The following NFIA variants were observed in gnomAD, a reference collection of about 807,000 sequenced individuals.
NFIA encodes the protein nuclear factor 1 A-type.
A neutral mutation model predicts 62.8 loss-of-function variants in NFIA; 8 were observed. The observed-to-expected ratio is 0.13, with a 90% CI of 0.07 to 0.23. NFIA has a LOEUF of 0.23. Ranked by LOEUF, NFIA falls within the 10% of genes least tolerant of loss-of-function variation. The probability of loss-of-function intolerance (pLI) is 1.00; values close to 1 mark genes in which losing one functional copy is unlikely to be tolerated. For synonymous variants in NFIA, 235 were observed against 238.1 expected, an observed-to-expected ratio of 0.99 and a Z score of 0.12; for missense variants, 410 against 642.1, an observed-to-expected ratio of 0.64 and a Z score of 3.91.
At chr1:61,103,893 CTGATGATGCTAGACAAT>C (rs1646552787) in intron 2 of NFIA, among the ~76,000 whole-genome samples, 2 of 152,096 alleles carry the variant, frequency 1.3e-5, no homozygotes, top group Non-Finnish European at 2.9e-5. Context: ...AAACAAAGGT[CTGATGATGCTAGACAAT>C]TGATGATGCT....
chr1:61,369,133 G>A (rs139724887), intron 6 of NFIA, among the ~76,000 whole-genome samples: 170 of 152,256 alleles, frequency 1.1e-3, no homozygotes, highest in African/African-American at 3.7e-3. Context: ...CCTTCGTTTC[G>A]TAATATCAGA....
chr1:61,306,571 T>A (rs1412585164), intron 3 of NFIA, among the ~76,000 whole-genome samples: 1 of 152,194 alleles, frequency 6.6e-6, no homozygotes, highest in African/African-American at 2.4e-5. Flanking sequence ...ATAGCAGCTG[T>A]AGGATTTGGT....
intron 2 of NFIA, among the ~76,000 whole-genome samples, chr1:61,143,987 C>T (rs1647735007): frequency 1.3e-5 from 2 of 152,226 alleles, no homozygotes; most frequent in African/African-American, 4.8e-5. Context: ...ACACACAATT[C>T]TAATAAATCC....
At chr1:61,205,991 A>G (rs533451748) in intron 2 of NFIA, among the ~76,000 whole-genome samples, 15 of 143,120 alleles carry the variant, frequency 1.0e-4, no homozygotes, top group South Asian at 4.4e-4. Context: ...ATCATGGCTC[A>G]CTACACCCTG....
Position 61,088,759 on chromosome 1 carries a change from T to C in NFIA, c.559+79T>C, listed in dbSNP as rs1646264658. 6.7e-7 allele frequency: 1 copy of C among 1,488,806 alleles called. No homozygotes were observed. Among genetic ancestry groups the C allele is most frequent in the African/African-American group, 1.4e-5 (1 of 71,576 alleles). 92.2% of individuals were successfully genotyped at this position (1,488,806 alleles called of 1,614,324 possible). ...ATGGCCTCCGCGTTATGCCGGATTCTTCCTGAGCTCCCCAAGTTGCAGGCC... is the reference window on the plus strand; with the variant it reads ...ATGGCCTCCGCGTTATGCCGGATTCCTCCTGAGCTCCCCAAGTTGCAGGCC... On this transcript the variant is annotated intron_variant, in intron 2 of 10. Transcript: ENST00000403491. This position sits in a 1 kb window ranked among gnomAD's most constrained non-coding sequence, Gnocchi z 4.5.
intron 2 of NFIA, among the ~76,000 whole-genome samples, chr1:61,122,401 G>T (rs554574100): frequency 1.2e-4 from 18 of 152,134 alleles, no homozygotes; most frequent in Admixed American, 2.0e-4. Flanking sequence ...AGACTAACTT[G>T]CATGTATCCC....
At chr1:61,082,164 C>T (rs1328786873), upstream of NFIA, 10 of 713,178 alleles carry the variant, frequency 1.4e-5, no homozygotes, top group Non-Finnish European at 2.3e-5. Flanking sequence ...TGTAACTGCT[C>T]CTCACTGCGT....
In NFIA at chr1:61,110,819, T is replaced by A. The variant is rs147699646; in HGVS notation, c.559+22139T>A. ...GCTGAGTGCACAGATTTCCACTTCC[T>A]GCCAAGATTAAAATTGGCAAAAACC... On this transcript the variant is annotated intron_variant, in intron 2 of 10. Coordinates refer to ENST00000403491, the MANE Select transcript of NFIA (RefSeq NM_001134673.4). 7.9e-5 allele frequency among the ~76,000 whole-genome samples: 12 copies of A among 152,204 alleles called. No homozygotes were observed. In the South Asian group the frequency reaches 2.3e-3, roughly 29 times the overall value.
At chr1:61,434,125 T>C (rs1231670213) in intron 10 of NFIA, among the ~76,000 whole-genome samples, 1 of 152,164 alleles carries the variant, frequency 6.6e-6, no homozygotes, top group East Asian at 1.9e-4. Context: ...TACGCTAAAT[T>C]GTGCCTGAGA....
intron 10 of NFIA, among the ~76,000 whole-genome samples, chr1:61,439,177 C>T (rs1005513165): frequency 6.6e-6 from 1 of 152,128 alleles, no homozygotes; most frequent in Admixed American, 6.5e-5. Flanking sequence ...CCCACACTCT[C>T]CAGTGTAGAT....
At chr1:61,124,458 G>T (rs1276708266) in intron 2 of NFIA, among the ~76,000 whole-genome samples, 2 of 152,188 alleles carry the variant, frequency 1.3e-5, no homozygotes, top group Non-Finnish European at 2.9e-5. Flanking sequence ...AGGAAGAATT[G>T]TATTACAAAT....
At chr1:61,136,450 C>T (rs1383066247) in intron 2 of NFIA, among the ~76,000 whole-genome samples, 2 of 152,060 alleles carry the variant, frequency 1.3e-5, no homozygotes, top group African/African-American at 2.4e-5. Context: ...AGTAGATGCC[C>T]TGGGAAGGCA....
At chr1:61,131,720 T>C (rs770707886) in intron 2 of NFIA, among the ~76,000 whole-genome samples, 1 of 152,216 alleles carries the variant, frequency 6.6e-6, no homozygotes, top group African/African-American at 2.4e-5. Context: ...GATAACTATG[T>C]CATTAATGAT....
intron 2 of NFIA, among the ~76,000 whole-genome samples, chr1:61,223,957 A>G (rs1313300704): frequency 6.6e-6 from 1 of 152,120 alleles, no homozygotes; most frequent in Non-Finnish European, 1.5e-5. Flanking sequence ...CTCTATTTAC[A>G]TATTACCAGA....
chr1:61,249,837 T>C (rs1383435320), intron 2 of NFIA: 1 of 151,932 alleles, frequency 6.6e-6, no homozygotes, highest in African/African-American at 2.4e-5. Context: ...AAGAATAATA[T>C]TCGTTACCAT....
chr1:61,165,987 TAGAC>T (rs1649540706), intron 2 of NFIA, among the ~76,000 whole-genome samples: 1 of 152,226 alleles, frequency 6.6e-6, no homozygotes, highest in Non-Finnish European at 1.5e-5. Context: ...AGACTATGCT[TAGAC>T]AGTCTTTTAG....
chr1:61,229,902 A>T (rs1654565954), intron 2 of NFIA, among the ~76,000 whole-genome samples: 1 of 152,188 alleles, frequency 6.6e-6, no homozygotes, highest in South Asian at 2.1e-4. Context: ...AATCATACTG[A>T]ATTGTGAAAT....
chr1:61,391,487 CAG>C (rs1553181295), intron 7 of NFIA, among the ~76,000 whole-genome samples: 2 of 136,616 alleles, frequency 1.5e-5, no homozygotes, highest in African/African-American at 2.8e-5. Context: ...CACACACACA[CAG>C]GCAGTTTAGA....
intron 2 of NFIA, among the ~76,000 whole-genome samples, chr1:61,220,971 T>C (rs1337415724): frequency 6.6e-6 from 1 of 152,216 alleles, no homozygotes; most frequent in Admixed American, 6.5e-5. Flanking sequence ...AATACAATCA[T>C]AGCTTTAATT....
Sources: allele counts gnomAD v4.1 joint callset (sites outside exome capture counted in the v4.1 genomes callset), GRCh38; gene constraint gnomAD v4.1.1; non-coding constraint Gnocchi (gnomAD v3.1); transcripts MANE v1.5; gene names NCBI Gene and HGNC (gene_info 2026-07-23, HGNC 2026-07-21).